The following LRP1B variants were observed in gnomAD, a reference collection of about 807,000 sequenced individuals.
LRP1B encodes LDL receptor related protein 1B.
Under a neutral mutation model 556.6 loss-of-function variants are expected in LRP1B, and 217 were observed. The ratio of observed to expected loss-of-function variants is 0.39; its 90% CI spans 0.35 to 0.44. The LOEUF is 0.44. Ranked by LOEUF, LRP1B falls within the 20% of genes least tolerant of loss-of-function variation. The pLI, the probability that LRP1B is intolerant of heterozygous loss-of-function variation, is 1.00. For missense variants in LRP1B, 5,053 were observed against 5,620.8 expected, an observed-to-expected ratio of 0.90 and a Z score of 3.23; for synonymous variants, 2,047 against 1,865.8, an observed-to-expected ratio of 1.10 and a Z score of -2.50.
At chr2:140,699,177 T>C (rs1686542164) in intron 41 of LRP1B, among the ~76,000 whole-genome samples, 7 of 152,048 alleles carry the variant, frequency 4.6e-5, no homozygotes, top group Admixed American at 3.3e-4. Flanking sequence ...CAAATCTAAA[T>C]TTTTATTAAA....
chr2:141,416,112 T>A lies in LRP1B; in HGVS notation c.343+64284A>T, dbSNP rs552378229. On this transcript the variant is annotated intron_variant, in intron 3 of 90. Coordinates refer to ENST00000389484, the MANE Select transcript of LRP1B (RefSeq NM_018557.3). ...GAGAAACATGAAAAATTGGCAATTA[T>A]CCAATCCATTTGATCAATATATGCA... 3.0e-4 allele frequency among the ~76,000 whole-genome samples: 45 copies of A among 152,316 alleles called. No individual in the cohort carries two copies. In the South Asian group the frequency reaches 6.2e-3, roughly 21 times the overall value.
chr2:141,297,102 A>G (rs114678540), intron 3 of LRP1B, among the ~76,000 whole-genome samples: 2,681 of 152,300 alleles, frequency 0.018, 74 homozygotes, highest in African/African-American at 0.06. Flanking sequence ...TATGCAGTCC[A>G]CTGTTGTTGG....
chr2:141,545,226 T>G (rs549781500), intron 2 of LRP1B, among the ~76,000 whole-genome samples: 1 of 152,198 alleles, frequency 6.6e-6, no homozygotes, highest in Admixed American at 6.5e-5. Flanking sequence ...AGTCTTCCTA[T>G]AGCCCATCTC....
chr2:141,689,543 TATTGTA>T (rs1691436613), intron 2 of LRP1B, among the ~76,000 whole-genome samples: 1 of 115,018 alleles, frequency 8.7e-6, no homozygotes, highest in Admixed American at 9.2e-5. Flanking sequence ...GCTATTGCTT[TATTGTA>T]TATTGTATAT....
intron 41 of LRP1B, among the ~76,000 whole-genome samples, chr2:140,657,632 T>TATACATAC (rs1559036709): frequency 3.4e-5 from 5 of 145,430 alleles, no homozygotes; most frequent in African/African-American, 1.3e-4. Context: ...TATACATACA[T>TATACATAC]ATATATACAT....
chr2:140,813,833 A>C, intron 31 of LRP1B, 27 bp from the exon 32 acceptor site: 1 of 1,537,508 alleles, frequency 6.5e-7, no homozygotes, highest in Non-Finnish European at 8.9e-7. Flanking sequence ...CAACTTAAAC[A>C]TAATGATAGC....
intron 41 of LRP1B, among the ~76,000 whole-genome samples, chr2:140,682,163 T>C (rs533232890): frequency 6.6e-6 from 1 of 152,334 alleles, no homozygotes; most frequent in African/African-American, 2.4e-5. Flanking sequence ...CTCATTATAA[T>C]GCGACAGAAT....
At chr2:141,249,194 T>C (rs535800566) in intron 4 of LRP1B, among the ~76,000 whole-genome samples, 3 of 152,180 alleles carry the variant, frequency 2.0e-5, no homozygotes, top group South Asian at 4.1e-4. Flanking sequence ...ATATATATAA[T>C]AGATTTTAAA....
At chr2:140,547,030 G>A (rs1680368124) in intron 43 of LRP1B, among the ~76,000 whole-genome samples, 1 of 152,070 alleles carries the variant, frequency 6.6e-6, no homozygotes, top group Admixed American at 6.6e-5. Flanking sequence ...TAAGCTTTTT[G>A]ATGTGCTGCT....
chr2:140,645,393 A>G (rs1005965901), intron 41 of LRP1B, among the ~76,000 whole-genome samples: 1 of 152,054 alleles, frequency 6.6e-6, no homozygotes, highest in African/African-American at 2.4e-5. Flanking sequence ...TGTTACCATT[A>G]GACATGAAGT....
chr2:141,095,048 T>C (rs957461590), intron 7 of LRP1B, among the ~76,000 whole-genome samples: 2 of 152,134 alleles, frequency 1.3e-5, no homozygotes, highest in Non-Finnish European at 2.9e-5. Context: ...AGTGAATTGA[T>C]TGTGAAAGGC....
In LRP1B at chr2:140,234,827, T is replaced by C. The variant is rs1558915219; in HGVS notation, c.13618A>G (p.Ile4540Val). Residue 4540 changes from isoleucine (I) to valine (V), a missense_variant, in exon 90 of 91, where the codon ATC becomes GTC. By Grantham distance (29) the Ile-to-Val change is conservative. This residue lies in a region of LRP1B where 551 missense variants were observed against 592.0 expected (regional missense o/e 0.93). Transcript: ENST00000389484. ...AFKLPHTAPP[I>V]YLNSDLKGPL... ...CCTTTCAAATCAGAGTTTAGGTAGA[T>C]GGGCGGCGCTGTGTGTGGAAGCTTG... The C allele has an allele frequency of 1.3e-6, 1 of 775,718 alleles. No homozygotes were observed. The highest frequency in any genetic ancestry group is 1.3e-5 in the South Asian group (1 of 74,414). The allele number at this position is 775,718 out of a possible 1,614,324, so 48.1% of individuals were successfully genotyped here. A position where few individuals can be genotyped will look rare whatever the true frequency, so the allele number is the denominator to read the frequency against.
intron 79 of LRP1B, among the ~76,000 whole-genome samples, chr2:140,326,326 A>G (rs536511740): frequency 9.5e-4 from 143 of 150,194 alleles, no homozygotes; most frequent in Middle Eastern, 3.4e-3. Flanking sequence ...TACAGTTCTC[A>G]GAATATACAA....
At chr2:140,259,219 C>CG (rs1438988712) in intron 86 of LRP1B, among the ~76,000 whole-genome samples, 4 of 152,030 alleles carry the variant, frequency 2.6e-5, no homozygotes, top group Admixed American at 6.6e-5. Context: ...CTTCAAAGGA[C>CG]GGGGGATATA....
At chr2:140,311,420 C>T (rs570820860) in intron 83 of LRP1B, among the ~76,000 whole-genome samples, 7 of 151,738 alleles carry the variant, frequency 4.6e-5, no homozygotes, top group Admixed American at 1.3e-4. Context: ...TTGAGCAAAA[C>T]ATCTCAGAAA....
chr2:141,304,400 T>C (rs943306852), intron 3 of LRP1B, among the ~76,000 whole-genome samples: 1 of 151,906 alleles, frequency 6.6e-6, no homozygotes, highest in Admixed American at 6.6e-5. Context: ...ATTTTAGGTC[T>C]TTTATAGTTT....
At chr2:140,802,885 G>A (rs191019894) in intron 32 of LRP1B, among the ~76,000 whole-genome samples, 2 of 152,214 alleles carry the variant, frequency 1.3e-5, no homozygotes, top group East Asian at 3.9e-4. Context: ...GGAAAGAGAG[G>A]TGCATATGTG....
At chr2:140,571,595 A>C (rs1681323237) in intron 43 of LRP1B, among the ~76,000 whole-genome samples, 1 of 147,624 alleles carries the variant, frequency 6.8e-6, no homozygotes, top group Admixed American at 6.9e-5. Context: ...GTGATTTATA[A>C]ATTCAATGCA....
intron 7 of LRP1B, among the ~76,000 whole-genome samples, chr2:141,111,625 C>A (rs906183099): frequency 1.3e-5 from 2 of 152,096 alleles, no homozygotes; most frequent in Non-Finnish European, 2.9e-5. Context: ...GTAATTCACA[C>A]CTTATACAAA....
Sources: gnomAD v4.1 joint callset for allele counts (sites outside exome capture counted in the v4.1 genomes callset) on GRCh38, gnomAD v4.1.1 for gene constraint, gnomAD v4.1.1 regional missense constraint, MANE v1.5 for transcripts, NCBI Gene and HGNC (gene_info 2026-07-23, HGNC 2026-07-21) for gene names.